The following CADPS2 variants were observed in gnomAD, a reference collection of about 807,000 sequenced individuals.
The protein encoded by CADPS2 is calcium-dependent secretion activator 2.
In CADPS2, 93 loss-of-function variants were observed where a neutral mutation model predicts 172.5. The ratio of observed to expected loss-of-function variants is 0.54; its 90% CI spans 0.46 to 0.64. The LOEUF is 0.64. Ranked by LOEUF, CADPS2 falls within the 30% of genes least tolerant of loss-of-function variation. The pLI is 0.00. For synonymous variants in CADPS2, 546 were observed against 555.2 expected (o/e 0.98, Z 0.23); for missense variants, 1,420 against 1,565.9 (o/e 0.91, Z 1.57).
intron 20 of CADPS2, among the ~76,000 whole-genome samples, chr7:122,398,803 T>C (rs1411417813): frequency 6.7e-5 from 5 of 74,286 alleles, no homozygotes; most frequent in Admixed American, 2.1e-4. Context: ...CCTCCCTCCC[T>C]GAGATTTAGG....
At chr7:122,471,254 T>A in intron 14 of CADPS2, 121 bp downstream of exon 14, 2 of 643,502 alleles carry the variant, frequency 3.1e-6, no homozygotes, top group Non-Finnish European at 2.3e-6. Flanking sequence ...TTTTTTTTTT[T>A]CCTTGTAAGA....
At chr7:122,362,426 G>A (rs569726990) in intron 25 of CADPS2, among the ~76,000 whole-genome samples, 1 of 151,914 alleles carries the variant, frequency 6.6e-6, no homozygotes, top group Non-Finnish European at 1.5e-5. Flanking sequence ...CTAGGGTGAG[G>A]GGGGTAGGAT....
At chr7:122,702,202 G>A (rs1294433902) in intron 2 of CADPS2, 1 of 1,613,628 alleles carries the variant, frequency 6.2e-7, no homozygotes, top group African/African-American at 1.3e-5. Context: ...CCCACTGCAT[G>A]TGCATTCTCC....
chr7:122,569,352 C>T (rs540355030), intron 7 of CADPS2, among the ~76,000 whole-genome samples: 1 of 151,998 alleles, frequency 6.6e-6, no homozygotes, highest in East Asian at 1.9e-4. Flanking sequence ...TCAAGGAGAA[C>T]TACAAACCAC....
At chr7:122,578,952 A>C (rs933126852) in intron 7 of CADPS2, among the ~76,000 whole-genome samples, 1 of 152,106 alleles carries the variant, frequency 6.6e-6, no homozygotes, top group Non-Finnish European at 1.5e-5. Context: ...GGAGATGTCT[A>C]GGTCACAGGC....
At chr7:122,716,283 T>C (rs565034478) in intron 2 of CADPS2, among the ~76,000 whole-genome samples, 2 of 152,084 alleles carry the variant, frequency 1.3e-5, no homozygotes, top group Non-Finnish European at 2.9e-5. Context: ...TGGGGTACTA[T>C]CTAACATGTG....
chr7:122,744,287 T>C (rs1462845470), intron 1 of CADPS2, among the ~76,000 whole-genome samples: 1 of 152,200 alleles, frequency 6.6e-6, no homozygotes, highest in African/African-American at 2.4e-5. Flanking sequence ...GGAGCAGCAC[T>C]GCAACCCTAG....
chr7:122,637,171 C>CTTT (rs71161313), intron 3 of CADPS2, among the ~76,000 whole-genome samples: 1 of 53,900 alleles, frequency 1.9e-5, no homozygotes, highest in Non-Finnish European at 3.7e-5. Context: ...TGAAATTTTG[C>CTTT]TTTTTTTTTT....
At chr7:122,859,832 T>C (rs1211024364) in intron 1 of CADPS2, among the ~76,000 whole-genome samples, 1 of 152,120 alleles carries the variant, frequency 6.6e-6, no homozygotes, top group African/African-American at 2.4e-5. Context: ...TATTTGTAAT[T>C]TTATTTGTAA....
chr7:122,827,838 C>G (rs1363646977), intron 1 of CADPS2, among the ~76,000 whole-genome samples: 1 of 151,680 alleles, frequency 6.6e-6, no homozygotes, highest in East Asian at 1.9e-4. Flanking sequence ...TAAAAAATAT[C>G]AACAAAAAGA....
intron 14 of CADPS2, among the ~76,000 whole-genome samples, chr7:122,455,307 C>G (rs2053624223): frequency 6.6e-6 from 1 of 152,102 alleles, no homozygotes. Flanking sequence ...CTGGTCTCTA[C>G]TTACATGACT....
In CADPS2 at chr7:122,602,384, C is replaced by T. The variant is rs76534963; in HGVS notation, c.1223+12797G>A. Among the ~76,000 whole-genome samples the T allele has an allele frequency of 1.6e-3, 238 of 152,016 alleles. 1 individual carries two copies. Among genetic ancestry groups the T allele is most frequent in the Middle Eastern group, 3.4e-3 (1 of 294 alleles). ...AAAATCTCTATATAACGTGTATATA[C>T]AGAAACACACCATGGAAGCTAAAAA... is the stretch of plus-strand genomic sequence containing the variant. On this transcript the variant is annotated intron_variant, in intron 6 of 29. Coordinates refer to ENST00000449022, the MANE Select transcript of CADPS2 (RefSeq NM_017954.11).
At chr7:122,835,887 T>C (rs1808243033) in intron 1 of CADPS2, among the ~76,000 whole-genome samples, 1 of 152,088 alleles carries the variant, frequency 6.6e-6, no homozygotes, top group African/African-American at 2.4e-5. Context: ...TTCCCCAATC[T>C]AGCAAGGCAG....
At chr7:122,414,895 T>C (rs377176905) in intron 18 of CADPS2, among the ~76,000 whole-genome samples, 58 of 152,328 alleles carry the variant, frequency 3.8e-4, no homozygotes, top group African/African-American at 1.3e-3. Flanking sequence ...TTTTTATTCT[T>C]GCTCATTTCA....
chr7:122,467,538 T>G (rs971246690), intron 14 of CADPS2, among the ~76,000 whole-genome samples: 7 of 152,174 alleles, frequency 4.6e-5, no homozygotes, highest in African/African-American at 1.7e-4. Context: ...AAATTGAGAT[T>G]ATTTTATATA....
At chr7:122,837,136 G>A (rs553565840) in intron 1 of CADPS2, among the ~76,000 whole-genome samples, 2,379 of 152,132 alleles carry the variant, frequency 0.016, 54 homozygotes, top group African/African-American at 0.054. Context: ...ACTCAAAACC[G>A]CTCAACTACA....
At chr7:122,850,142 G>C in intron 1 of CADPS2, 1 of 1,199,170 alleles carries the variant, frequency 8.3e-7, no homozygotes, top group Non-Finnish European at 1.1e-6. Context: ...AGCAACTGCT[G>C]AACAGGGCGT....
chr7:122,614,900 C>T (rs371448225), intron 6 of CADPS2, among the ~76,000 whole-genome samples: 1 of 152,140 alleles, frequency 6.6e-6, no homozygotes, highest in Non-Finnish European at 1.5e-5. Context: ...AATTTGCTTT[C>T]CTTAGAAATG....
intron 3 of CADPS2, among the ~76,000 whole-genome samples, chr7:122,636,542 T>G (rs1358896838): frequency 1.4e-5 from 2 of 145,334 alleles, no homozygotes; most frequent in Admixed American, 7.3e-5. Context: ...CTTGGCTCAC[T>G]GCAATCTCCG....
Sources: allele counts gnomAD v4.1 joint callset (sites outside exome capture counted in the v4.1 genomes callset), GRCh38; gene constraint gnomAD v4.1.1; transcripts MANE v1.5; gene names NCBI Gene and HGNC (gene_info 2026-07-23, HGNC 2026-07-21).